The following ARID1A variants were observed in gnomAD, a reference collection of about 807,000 sequenced individuals.
The protein encoded by ARID1A is AT-rich interactive domain-containing protein 1A.
A neutral mutation model predicts 212.6 loss-of-function variants in ARID1A; 20 were observed. That is an observed-to-expected ratio of 0.09 (90% CI 0.07 to 0.14). The LOEUF is 0.14. Ranked by LOEUF, ARID1A falls within the 10% of genes least tolerant of loss-of-function variation. The pLI is 1.00. For missense variants in ARID1A, 2,587 were observed against 3,059.0 expected, an observed-to-expected ratio of 0.85 and a Z score of 3.64; for synonymous variants, 1,376 against 1,222.1, an observed-to-expected ratio of 1.13 and a Z score of -2.63.
intron 1 of ARID1A, among the ~76,000 whole-genome samples, chr1:26,714,139 G>A (rs1469782142): frequency 1.9e-4 from 29 of 152,220 alleles, no homozygotes; most frequent in Admixed American, 1.6e-3. Context: ...GCCAGAGATG[G>A]CAAAGAATAG....
At chr1:26,758,325 T>C (rs2080959954) in intron 4 of ARID1A, among the ~76,000 whole-genome samples, 1 of 152,092 alleles carries the variant, frequency 6.6e-6, no homozygotes, top group Admixed American at 6.5e-5. Context: ...TGACTCATGC[T>C]TATCATATCA....
rs902896747 is a variant in ARID1A, at chr1:26,735,188, C to T, written c.1920+2396C>T. Among the ~76,000 whole-genome samples the T allele has an allele frequency of 2.0e-5, 3 of 150,262 alleles. No individual in the cohort carries two copies. In the South Asian group the frequency reaches 6.3e-4, roughly 32 times the overall value. ...TTGCCCAGGCTGGAGTGCAATGGCA[C>T]GATCTTGGTTCACTGCAGCCTCCAC... On this transcript the variant is annotated intron_variant, in intron 4 of 19. Transcript: ENST00000324856.
Position 26,696,193 on chromosome 1 carries a change from C to A in ARID1A, c.-211C>A. ...CCGCCGGCGCCTCGGCCGCCGCCGC[C>A]GCCTCCTCCTCCTCCGCCGCCGCCA... On this transcript the variant is annotated 5_prime_UTR_variant, in exon 1 of 20. Transcript: ENST00000324856. The A allele has an allele frequency of 1.4e-6, 1 of 701,896 alleles. No individual in the cohort carries two copies. Among genetic ancestry groups the A allele is most frequent in the Non-Finnish European group, 1.9e-6 (1 of 527,842 alleles). The allele number at this position is 701,896 out of a possible 1,614,324, so 43.5% of individuals were successfully genotyped here.
In ARID1A at chr1:26,775,653, C is replaced by T. The variant is rs2124126861; in HGVS notation, c.5070C>T (p.Thr1690=). The part of the protein sequence containing the change: ...LLAESTWALD[T]INILLYDDNS... ...CAGAGAGCACATGGGCATTAGATAC[C>T]ATCAACATCCTGCTGTATGATGACA... is the stretch of plus-strand genomic sequence containing the variant. The change falls in exon 19 of 20, where the codon ACC becomes ACT. Residue 1690 remains threonine (T), a synonymous_variant. Coordinates refer to ENST00000324856, the MANE Select transcript of ARID1A (RefSeq NM_006015.6). 1 of 1,614,158 alleles carries T rather than the reference C, an allele frequency of 6.2e-7. No individual in the cohort carries two copies. Among genetic ancestry groups the T allele is most frequent in the Non-Finnish European group, 8.5e-7 (1 of 1,180,022 alleles).
chr1:26,769,256 C>G (rs1378133676), intron 11 of ARID1A: 2 of 152,160 alleles, frequency 1.3e-5, no homozygotes, highest in African/African-American at 4.8e-5. Context: ...GGATGAGGTA[C>G]AGAGAGAATT....
chr1:26,726,159 G>A (rs1238204799), intron 1 of ARID1A, among the ~76,000 whole-genome samples: 3 of 143,932 alleles, frequency 2.1e-5, no homozygotes, highest in Non-Finnish European at 3.0e-5. Flanking sequence ...CCCAGCCTTG[G>A]GTTTGTTTTT....
At chr1:26,720,382 A>G (rs925660762) in intron 1 of ARID1A, among the ~76,000 whole-genome samples, 6 of 151,914 alleles carry the variant, frequency 3.9e-5, no homozygotes, top group African/African-American at 1.2e-4. Context: ...CTGTGGCAGG[A>G]GAATCACATG....
chr1:26,752,514 A>T (rs1233594823), intron 4 of ARID1A, among the ~76,000 whole-genome samples: 4 of 152,228 alleles, frequency 2.6e-5, no homozygotes, highest in South Asian at 2.1e-4. Context: ...TTGTTGCTTA[A>T]GGAAGGTTTT....
At chr1:26,764,437 T>G (rs1365867215) in intron 8 of ARID1A, 1 of 152,206 alleles carries the variant, frequency 6.6e-6, no homozygotes, top group African/African-American at 2.4e-5. Context: ...TCTTTGGTGT[T>G]AGAAATAGCA....
At chr1:26,760,686 C>CAA (rs201898727) in intron 4 of ARID1A, among the ~76,000 whole-genome samples, 170 bp from the exon 5 acceptor site, 31 of 145,270 alleles carry the variant, frequency 2.1e-4, no homozygotes, top group Non-Finnish European at 3.2e-4. Flanking sequence ...AACACTGTCT[C>CAA]AAAAAAAAAA....
At chr1:26,710,528 C>CAG (rs1553147494) in intron 1 of ARID1A, among the ~76,000 whole-genome samples, 4,431 of 148,308 alleles carry the variant, frequency 0.03, 97 homozygotes, top group Non-Finnish European at 0.04. Context: ...CACACACACA[C>CAG]CACTTGTTGT....
At chr1:26,766,167 C>A (rs1174525384) in intron 8 of ARID1A, 54 bp from the exon 9 acceptor site, 1 of 1,573,210 alleles carries the variant, frequency 6.4e-7, no homozygotes, top group Non-Finnish European at 8.6e-7. Context: ...CAGTTCAAAT[C>A]TAAAAGCTCA....
chr1:26,713,132 CTTATG>C (rs2080469161), intron 1 of ARID1A, among the ~76,000 whole-genome samples: 1 of 152,136 alleles, frequency 6.6e-6, no homozygotes, highest in Admixed American at 6.5e-5. Flanking sequence ...AGTAAGGAAT[CTTATG>C]TTTGTGTGTG....
rs1239257150 is a variant in ARID1A, at chr1:26,772,842, C to T, written c.3570C>T (p.Ala1190=). 1 of 1,614,118 alleles carries T rather than the reference C, an allele frequency of 6.2e-7. No homozygotes were observed. Among genetic ancestry groups the T allele is most frequent in the African/African-American group, 1.3e-5 (1 of 75,024 alleles). ...GCAATTCAGTTGGGATCCAGGATGC[C>T]TTTAATGATGGAAGTGACTCCACAT... The part of the protein sequence containing the change: ...SRSNSVGIQD[A]FNDGSDSTFQ... Residue 1190 remains alanine, a synonymous_variant, in exon 14 of 20, where the codon GCC becomes GCT. Coordinates refer to ENST00000324856, the MANE Select transcript of ARID1A (RefSeq NM_006015.6).
Position 26,697,143 on chromosome 1 carries a change from C to G in ARID1A, c.740C>G (p.Ala247Gly), listed in dbSNP as rs764956729. The G allele has an allele frequency of 4.2e-6, 6 of 1,440,406 alleles. No individual in the cohort carries two copies. Among genetic ancestry groups the G allele is most frequent in the Non-Finnish European group, 5.5e-6 (6 of 1,100,228 alleles). 89.2% of individuals were successfully genotyped at this position (1,440,406 alleles called of 1,614,324 possible). A position where few individuals can be genotyped will look rare whatever the true frequency, so the allele number is the denominator to read the frequency against. Residue 247 changes from alanine (A) to glycine (G), a missense_variant, in exon 1 of 20, where the codon GCC becomes GGC. Ala to Gly is a moderately conservative substitution (Grantham distance 60). This residue lies in a region of ARID1A where 735 missense variants were observed against 590.6 expected (regional missense o/e 1.24). Transcript: ENST00000324856. ...CCGGGCTCCGGCGCGGCGGCGGCTG[C>G]CGGCTCCAAGCCGCCTCCCTCCTCC... Reference protein sequence around the residue: ...GTPGSGAAAAAGSKPPPSSSA... With the variant: ...GTPGSGAAAAGGSKPPPSSSA...
chr1:26,711,274 TTTTA>T (rs1167923837), intron 1 of ARID1A, among the ~76,000 whole-genome samples: 1 of 151,892 alleles, frequency 6.6e-6, no homozygotes, highest in Non-Finnish European at 1.5e-5. Flanking sequence ...GCCCGGCTAA[TTTTA>T]TTTATTTATT....
intron 1 of ARID1A, among the ~76,000 whole-genome samples, chr1:26,719,123 C>T (rs2080535088): frequency 6.6e-6 from 1 of 152,220 alleles, no homozygotes; most frequent in African/African-American, 2.4e-5. Context: ...TTCTCTTCTA[C>T]ATTCCCCTTT....
chr1:26,742,371 G>A (rs550661604), intron 4 of ARID1A, among the ~76,000 whole-genome samples: 5 of 152,170 alleles, frequency 3.3e-5, no homozygotes, highest in Non-Finnish European at 5.9e-5. Context: ...ACAGTGAACC[G>A]TTGACTAGAG....
chr1:26,705,299 G>A (rs1468285007), intron 1 of ARID1A, among the ~76,000 whole-genome samples: 7 of 151,954 alleles, frequency 4.6e-5, no homozygotes, highest in African/African-American at 7.3e-5. Context: ...CACCATGCCC[G>A]GCTAATTTTT....
Sources: gnomAD v4.1 joint callset for allele counts (sites outside exome capture counted in the v4.1 genomes callset) on GRCh38, gnomAD v4.1.1 for gene constraint, gnomAD v4.1.1 regional missense constraint, MANE v1.5 for transcripts, NCBI Gene and HGNC (gene_info 2026-07-23, HGNC 2026-07-21) for gene names.